IL18R1: variants seen among roughly 807,000 people sequenced by gnomAD.
IL18R1 encodes the protein interleukin 18 receptor 1.
A neutral mutation model predicts 48.5 loss-of-function variants in IL18R1; 40 were observed. The ratio of observed to expected loss-of-function variants is 0.82; its 90% CI spans 0.64 to 1.07. IL18R1 has a LOEUF of 1.07. Ranked by LOEUF, IL18R1 falls within the 50% of genes least tolerant of loss-of-function variation. The pLI is 0.00. For synonymous variants in IL18R1, 232 were observed against 225.9 expected (o/e 1.03, Z -0.24); for missense variants, 596 against 633.7 (o/e 0.94, Z 0.64).
intron 5 of IL18R1, among the ~76,000 whole-genome samples, chr2:102,376,654 T>C (rs962611203): frequency 6.6e-6 from 1 of 152,058 alleles, no homozygotes; most frequent in Non-Finnish European, 1.5e-5. Context: ...GGATCTCCAC[T>C]GGGAGAGTGT....
rs1559617183 is a variant in IL18R1 at position 102,363,038 on chromosome 2, T to C, written c.58+320T>C. The C allele has an allele frequency of 4.3e-5, 8 of 186,380 alleles. No individual in the cohort carries two copies. In the South Asian group the frequency reaches 1.3e-3, roughly 30 times the overall value. The allele number at this position is 186,380 out of a possible 1,614,324, so 11.5% of individuals were successfully genotyped here. A position where few individuals can be genotyped will look rare whatever the true frequency, so the allele number is the denominator to read the frequency against. The stretch of plus-strand genomic sequence containing the variant: ...GCAAAGATTCATCTCATTATTTAGG[T>C]AATAATGAGAAAAGTAAACGACAAA... On this transcript the variant is annotated intron_variant, in intron 2 of 10. Coordinates refer to ENST00000233957, the MANE Select transcript of IL18R1 (RefSeq NM_003855.5).
chr2:102,396,454 A>G lies in IL18R1; in HGVS notation c.1271-77A>G, dbSNP rs1028030057. 17 of 796,032 alleles carry G rather than the reference A, an allele frequency of 2.1e-5. No individual in the cohort carries two copies. In the Admixed American group the frequency reaches 2.6e-4, roughly 12 times the overall value. 49.3% of individuals were successfully genotyped at this position (796,032 alleles called of 1,614,324 possible). On this transcript the variant is annotated intron_variant, in intron 10 of 10. Coordinates refer to ENST00000233957, the MANE Select transcript of IL18R1 (RefSeq NM_003855.5). ...AGGTTAGGAGTTAATATAAAATAAG[A>G]CTGTGCAAAATGACTTTTATCTCAT...
chr2:102,395,966 A>G (rs371461063), intron 10 of IL18R1, among the ~76,000 whole-genome samples: 1 of 152,208 alleles, frequency 6.6e-6, no homozygotes, highest in South Asian at 2.1e-4. Flanking sequence ...AAAGCCTAAC[A>G]TATTTACTAT....
chr2:102,374,606 G>A (rs1206741135), intron 4 of IL18R1, among the ~76,000 whole-genome samples: 18 of 151,952 alleles, frequency 1.2e-4, no homozygotes, highest in East Asian at 9.7e-4. Flanking sequence ...ATGAAACCCC[G>A]TCTCTACTAA....
At chr2:102,382,773 C>T (rs1272531432) in intron 6 of IL18R1, among the ~76,000 whole-genome samples, 1 of 152,146 alleles carries the variant, frequency 6.6e-6, no homozygotes, top group Non-Finnish European at 1.5e-5. Flanking sequence ...CAGCTGGGTC[C>T]TATGCCATTT....
rs1253398625 is a variant in IL18R1 at position 102,376,116 on chromosome 2, A to AT, written c.625+59dup. Reference sequence around the variant, plus strand: ...AACAGACGTATTTTAGTAAAATGGAATTTTTTCATTCTTCAAAACTGTGTA... The same window carrying AT: ...AACAGACGTATTTTAGTAAAATGGAATTTTTTTCATTCTTCAAAACTGTGTA... On this transcript the variant is annotated intron_variant, in intron 5 of 10. Coordinates refer to ENST00000233957, the MANE Select transcript of IL18R1 (RefSeq NM_003855.5). 9 of 1,432,990 alleles carry AT rather than the reference A, an allele frequency of 6.3e-6. No individual in the cohort carries two copies. The East Asian group carries it at 1.2e-4, about 19-fold the overall frequency. The allele number at this position is 1,432,990 out of a possible 1,614,324, so 88.8% of individuals were successfully genotyped here.
chr2:102,370,694 G>C (rs1022312386), intron 3 of IL18R1, among the ~76,000 whole-genome samples: 1 of 152,268 alleles, frequency 6.6e-6, no homozygotes, highest in Non-Finnish European at 1.5e-5. Flanking sequence ...CTTGTAGCAA[G>C]TGTGTGGCCT....
At chr2:102,387,044 G>T in intron 8 of IL18R1, 44 bp downstream of exon 8, 1 of 1,585,610 alleles carries the variant, frequency 6.3e-7, no homozygotes, top group Non-Finnish European at 8.6e-7. Context: ...TTAGCTCATT[G>T]CTACTGAGAG....
rs899695971 is a variant in IL18R1 at position 102,355,833 on chromosome 2, C to G, written c.-596C>G. On this transcript the variant is annotated 5_prime_UTR_variant, in exon 1 of 11. Coordinates refer to ENST00000233957, the MANE Select transcript of IL18R1 (RefSeq NM_003855.5). ...GCGCGGCTGGGCAGGAAGCGCCAGA[C>G]GCCTGGGGCCCACGCCGTCCGCGGG... is the stretch of plus-strand genomic sequence containing the variant. The G allele has an allele frequency of 2.6e-5, 4 of 152,216 alleles. No individual in the cohort carries two copies. The highest frequency in any genetic ancestry group is 9.7e-5 in the African/African-American group (4 of 41,450). The allele number at this position is 152,216 out of a possible 1,614,324, so 9.4% of individuals were successfully genotyped here. A position where few individuals can be genotyped will look rare whatever the true frequency, so the allele number is the denominator to read the frequency against.
intron 8 of IL18R1, among the ~76,000 whole-genome samples, chr2:102,389,331 T>G (rs1441368774): frequency 6.6e-6 from 1 of 152,192 alleles, no homozygotes; most frequent in African/African-American, 2.4e-5. Context: ...TTCACCACAT[T>G]GTGATTTGTT....
In IL18R1 at chr2:102,397,842, T is replaced by G. The variant is rs1135354; in HGVS notation, c.*956T>G. 36,103 of 152,194 alleles carry G rather than the reference T, an allele frequency of 0.24. 4,752 individuals are homozygous for G. Among genetic ancestry groups the G allele is most frequent in the East Asian group, 0.4 (2,109 of 5,246 alleles). The allele number at this position is 152,194 out of a possible 1,614,324, so 9.4% of individuals were successfully genotyped here. ...GTCCTGAGTTTGCTACTTACTTCTG[T>G]GGCCTCTGGAACCTTATCCAACCTC... On this transcript the variant is annotated 3_prime_UTR_variant, in exon 11 of 11. Coordinates refer to ENST00000233957, the MANE Select transcript of IL18R1 (RefSeq NM_003855.5).
At chr2:102,360,506 G>A (rs192395147) in intron 1 of IL18R1, among the ~76,000 whole-genome samples, 22 of 152,166 alleles carry the variant, frequency 1.4e-4, no homozygotes, top group African/African-American at 2.2e-4. Flanking sequence ...CTCATGATCC[G>A]CCCATCTCGG....
intron 1 of IL18R1, among the ~76,000 whole-genome samples, chr2:102,361,852 G>A (rs1678593662): frequency 6.6e-6 from 1 of 152,216 alleles, no homozygotes; most frequent in Non-Finnish European, 1.5e-5. Context: ...AACTCCGAAT[G>A]CTAGGTTGCA....
At chr2:102,386,134 C>T (rs1020868319) in intron 7 of IL18R1, among the ~76,000 whole-genome samples, 2 of 152,158 alleles carry the variant, frequency 1.3e-5, no homozygotes, top group Admixed American at 1.3e-4. Context: ...TGTCCCGGGT[C>T]CTAGATATCC....
At chr2:102,393,270 GA>G (rs3836109) in intron 9 of IL18R1, among the ~76,000 whole-genome samples, 81,252 of 151,998 alleles carry the variant, frequency 0.53, 23,566 homozygotes, top group African/African-American at 0.73. Context: ...GTTTGAGGGG[GA>G]ACCTACTTAC....
intron 9 of IL18R1, among the ~76,000 whole-genome samples, chr2:102,393,833 G>A (rs1042020492): frequency 5.3e-5 from 8 of 152,116 alleles, no homozygotes; most frequent in Non-Finnish European, 7.4e-5. Context: ...CATGTCCATC[G>A]GGATCACTCT....
intron 9 of IL18R1, among the ~76,000 whole-genome samples, chr2:102,394,035 G>A (rs1308611892): frequency 6.6e-6 from 1 of 152,074 alleles, no homozygotes; most frequent in Non-Finnish European, 1.5e-5. Flanking sequence ...TTAGGAGCAT[G>A]GTCTTTGTTA....
chr2:102,356,338 C>G lies in IL18R1; in HGVS notation c.-91C>G. The stretch of plus-strand genomic sequence containing the variant: ...ACTTTCTGAACTTGGCCTCCGCAGT[C>G]GCGACCTGGCGTGAAGGAGGAGCTG... On this transcript the variant is annotated 5_prime_UTR_variant, in exon 1 of 11. Coordinates refer to ENST00000233957, the MANE Select transcript of IL18R1 (RefSeq NM_003855.5). The G allele has an allele frequency of 1.0e-6, 1 of 985,130 alleles. No individual in the cohort carries two copies. The highest frequency in any genetic ancestry group is 1.2e-6 in the Non-Finnish European group (1 of 829,894). The allele number at this position is 985,130 out of a possible 1,614,324, so 61.0% of individuals were successfully genotyped here. A position where few individuals can be genotyped will look rare whatever the true frequency, so the allele number is the denominator to read the frequency against.
rs1197295349 is a variant in IL18R1 at position 102,386,878 on chromosome 2, G to T, written c.827G>T (p.Trp276Leu). 1.2e-6 allele frequency: 2 copies of T among 1,614,026 alleles called. No individual in the cohort carries two copies. The highest frequency in any genetic ancestry group is 8.5e-7 in the Non-Finnish European group (1 of 1,180,004). Residue 276 changes from tryptophan (W) to leucine (L), a missense_variant, in exon 8 of 11, where the codon TGG becomes TTG. Transcript: ENST00000233957. ...TCTTACAGGACTCCAGAAGGCAAATGGCATGCTTCAAAAGTATTGAGAATT... is the reference window on the plus strand; with the variant it reads ...TCTTACAGGACTCCAGAAGGCAAATTGCATGCTTCAAAAGTATTGAGAATT... ...EMRIMTPEGK[W>L]HASKVLRIEN...
Sources: allele counts gnomAD v4.1 joint callset (sites outside exome capture counted in the v4.1 genomes callset), GRCh38; gene constraint gnomAD v4.1.1; transcripts MANE v1.5; gene names NCBI Gene and HGNC (gene_info 2026-07-23, HGNC 2026-07-21).